Variants in ARHGEF10L observed in about 807,000 individuals in gnomAD.
ARHGEF10L encodes Rho guanine nucleotide exchange factor 10 like.
Under a neutral mutation model 141.2 loss-of-function variants are expected in ARHGEF10L, and 69 were observed. The ratio of observed to expected loss-of-function variants is 0.49; its 90% CI spans 0.40 to 0.60. ARHGEF10L has a LOEUF of 0.60. ARHGEF10L is among the 20% of genes least tolerant of loss of function. The pLI is 0.00. For synonymous variants in ARHGEF10L, 711 were observed against 718.5 expected (o/e 0.99, Z 0.17); for missense variants, 1,482 against 1,734.3 (o/e 0.85, Z 2.58).
At position 17,567,500 on chromosome 1, in the gene ARHGEF10L, G is replaced by A. The variant is rs140138052; in HGVS notation, c.-43-13053G>A. Among the ~76,000 whole-genome samples the A allele has an allele frequency of 6.6e-5, 10 of 152,296 alleles. No individual in the cohort carries two copies. In the East Asian group the frequency reaches 1.9e-3, roughly 29 times the overall value. ...TCCTGCTTCAGCCTCTTGAGTAGCTGGGATTACAGGCATGTGCCACCATGC... is the reference window on the plus strand; with the variant it reads ...TCCTGCTTCAGCCTCTTGAGTAGCTAGGATTACAGGCATGTGCCACCATGC... On this transcript the variant is annotated intron_variant, in intron 1 of 28. Coordinates refer to ENST00000361221, the MANE Select transcript of ARHGEF10L (RefSeq NM_018125.4).
chr1:17,527,774 G>A, the ARHGEF10L span, among the ~76,000 whole-genome samples: 1 of 151,784 alleles, frequency 6.6e-6, no homozygotes, highest in Non-Finnish European at 1.5e-5. Context: ...ACTGCATCCA[G>A]TTTCCGACCT....
chr1:17,616,253 T>TG, intron 9 of ARHGEF10L, 51 bp downstream of exon 9: 1 of 865,208 alleles, frequency 1.2e-6, no homozygotes, highest in East Asian at 3.3e-5. Context: ...TGACTGGGGG[T>TG]CGGGGAGGGT....
intron 16 of ARHGEF10L, chr1:17,634,236 G>A: frequency 3.9e-6 from 2 of 515,768 alleles, no homozygotes; most frequent in Admixed American, 3.8e-5. Context: ...GTGCAAAGTG[G>A]GGTGCTAGTG....
chr1:17,662,266 C>A (rs892140340), intron 25 of ARHGEF10L, among the ~76,000 whole-genome samples: 1 of 152,130 alleles, frequency 6.6e-6, no homozygotes, highest in African/African-American at 2.4e-5. Flanking sequence ...GGACACAGAA[C>A]GCTGCGTAAC....
chr1:17,634,739 C>T (rs1002326791), intron 17 of ARHGEF10L, 96 bp from the exon 18 acceptor site: 2 of 1,466,590 alleles, frequency 1.4e-6, no homozygotes, highest in Non-Finnish European at 1.8e-6. Context: ...CTGCGTGAAG[C>T]CTGGCTGAGC....
Position 17,623,224 on chromosome 1 carries a change from C to G in ARHGEF10L, c.1200+49C>G. The G allele has an allele frequency of 6.3e-7, 1 of 1,585,676 alleles. No homozygotes were observed. Among genetic ancestry groups the G allele is most frequent in the African/African-American group, 1.3e-5 (1 of 74,164 alleles). On this transcript the variant is annotated intron_variant, in intron 12 of 28. Coordinates refer to ENST00000361221, the MANE Select transcript of ARHGEF10L (RefSeq NM_018125.4). The surrounding 1 kb of genome is among the most constrained non-coding windows in gnomAD (Gnocchi z 4.7). ...CCAGCCCACCAAGGTAAAACCACAA[C>G]CAGTCTGACCCCGGGGCCATGCAGT...
intron 1 of ARHGEF10L, among the ~76,000 whole-genome samples, chr1:17,565,485 C>G (rs1388969055): frequency 2.6e-5 from 4 of 152,216 alleles, no homozygotes; most frequent in Admixed American, 2.0e-4. Context: ...GGACGGCCCC[C>G]CTCCAACTCC....
intron 2 of ARHGEF10L, among the ~76,000 whole-genome samples, chr1:17,582,965 G>A (rs1317192664): frequency 6.6e-6 from 1 of 151,592 alleles, no homozygotes; most frequent in Non-Finnish European, 1.5e-5. Flanking sequence ...AGTGGCTCAT[G>A]CCTATAATCC....
intron 23 of ARHGEF10L, among the ~76,000 whole-genome samples, chr1:17,655,045 G>A (rs1441374817): frequency 6.6e-6 from 1 of 152,198 alleles, no homozygotes; most frequent in Non-Finnish European, 1.5e-5. Flanking sequence ...TCAGGAGGCA[G>A]GGCTGGCTAG....
chr1:17,693,820 G>T (rs1339808792), intron 27 of ARHGEF10L, among the ~76,000 whole-genome samples: 1 of 152,226 alleles, frequency 6.6e-6, no homozygotes, highest in Non-Finnish European at 1.5e-5. Flanking sequence ...CTGGAATGCA[G>T]CCTAAGCCTC....
rs1277300211 is a variant in ARHGEF10L at position 17,687,737 on chromosome 1, C to G, written c.3174C>G (p.Phe1058Leu). ...QEINIATRTT[F>L]LLPGQKHLCV... ...TCAACATCGCCACCAGGACCACCTT[C>G]CTCCTGCCAGGTGAGGCTGCCTCGG... The change falls in exon 27 of 29, where the codon TTC (phenylalanine) becomes TTG (leucine). Residue 1058 changes from phenylalanine (F) to leucine (L), a missense_variant. Coordinates refer to ENST00000361221, the MANE Select transcript of ARHGEF10L (RefSeq NM_018125.4). The G allele has an allele frequency of 6.3e-7, 1 of 1,581,506 alleles. No individual in the cohort carries two copies. Among genetic ancestry groups the G allele is most frequent in the East Asian group, 2.3e-5 (1 of 43,920 alleles).
chr1:17,590,156 C>T lies in ARHGEF10L; in HGVS notation c.257+1677C>T, dbSNP rs114267761. ...AAGAGAGACCAAGGCCCCTCTGACA[C>T]CGAGGCCAGGCGCTGGGCCACCGTG... On this transcript the variant is annotated intron_variant, in intron 4 of 28. Coordinates refer to ENST00000361221, the MANE Select transcript of ARHGEF10L (RefSeq NM_018125.4). 4.7e-3 allele frequency among the ~76,000 whole-genome samples: 718 copies of T among 152,302 alleles called. 6 individuals are homozygous for T. The highest frequency in any genetic ancestry group is 0.016 in the African/African-American group (652 of 41,560).
In ARHGEF10L at chr1:17,627,216, C is replaced by A; in HGVS notation, c.1411-114C>A. On this transcript the variant is annotated intron_variant, in intron 14 of 28. Coordinates refer to ENST00000361221, the MANE Select transcript of ARHGEF10L (RefSeq NM_018125.4). The surrounding 1 kb of genome is among the most constrained non-coding windows in gnomAD (Gnocchi z 4.0). Reference sequence around the variant, plus strand: ...GGTGCCATCTGTCCTGGCCTCAGGCCGGGCCCTTTGCAGACCCAGTGTGTG... The same window carrying A: ...GGTGCCATCTGTCCTGGCCTCAGGCAGGGCCCTTTGCAGACCCAGTGTGTG... 1.5e-6 allele frequency: 2 copies of A among 1,303,090 alleles called. No homozygotes were observed. The highest frequency in any genetic ancestry group is 2.3e-5 in the East Asian group (1 of 42,648). 80.7% of individuals were successfully genotyped at this position (1,303,090 alleles called of 1,614,324 possible).
At position 17,627,432 on chromosome 1, in the gene ARHGEF10L, C is replaced by T. The variant is rs553508294; in HGVS notation, c.1513C>T (p.Arg505Trp). 37 of 1,613,696 alleles carry T rather than the reference C, an allele frequency of 2.3e-5. No individual in the cohort carries two copies. The highest frequency in any genetic ancestry group is 1.1e-4 in the African/African-American group (8 of 75,052). ...TLAEKLNEQKRLADQVAEIQQ... is the reference protein window; with the variant it reads ...TLAEKLNEQKWLADQVAEIQQ... Reference sequence around the variant, plus strand: ...GGCTGAGAAGCTGAACGAGCAGAAGCGGCTGGCTGACCAGGTGGCTGAGAT... The same window carrying T: ...GGCTGAGAAGCTGAACGAGCAGAAGTGGCTGGCTGACCAGGTGGCTGAGAT... The change falls in exon 15 of 29, where the codon CGG becomes TGG. Residue 505 changes from arginine (R) to tryptophan (W), a missense_variant. Arg to Trp is a moderately radical substitution (Grantham distance 101). This residue lies in a region of ARHGEF10L where 392 missense variants were observed against 542.1 expected (regional missense o/e 0.72). Coordinates refer to ENST00000361221, the MANE Select transcript of ARHGEF10L (RefSeq NM_018125.4). The surrounding 1 kb of genome is among the most constrained non-coding windows in gnomAD (Gnocchi z 4.0).
rs76578963 is a variant in ARHGEF10L, at chr1:17,580,684, G to T, written c.37+52G>T. The T allele has an allele frequency of 2.5e-4, 402 of 1,609,314 alleles. 1 individual carries two copies. The East Asian group carries it at 8.4e-3, about 33-fold the overall frequency. On this transcript the variant is annotated intron_variant, in intron 2 of 28. Coordinates refer to ENST00000361221, the MANE Select transcript of ARHGEF10L (RefSeq NM_018125.4). ...TCTCATCCTTTCTTAGAAGGGGGCCGCTGGGGGCCGGCGGAGGGCCTTGCT... is the reference window on the plus strand; with the variant it reads ...TCTCATCCTTTCTTAGAAGGGGGCCTCTGGGGGCCGGCGGAGGGCCTTGCT...
chr1:17,514,298 G>A, the ARHGEF10L span, among the ~76,000 whole-genome samples: 3 of 151,540 alleles, frequency 2.0e-5, no homozygotes, highest in African/African-American at 7.3e-5. Context: ...ACCACGCCCA[G>A]CTAATTTTTG....
chr1:17,676,120 G>C (rs1230307351), intron 26 of ARHGEF10L, among the ~76,000 whole-genome samples: 2 of 147,062 alleles, frequency 1.4e-5, no homozygotes, highest in African/African-American at 2.5e-5. Flanking sequence ...GTGCAGGCAT[G>C]GGTGCAGGCG....
chr1:17,618,267 G>T (rs531893236), intron 9 of ARHGEF10L: 10 of 552,872 alleles, frequency 1.8e-5, no homozygotes, highest in Non-Finnish European at 2.4e-5. Flanking sequence ...TCCCCACCCC[G>T]CCCACAAGCC....
In ARHGEF10L at chr1:17,644,067, C is replaced by G. The variant is rs1477068083; in HGVS notation, c.2272+3765C>G. ...TCTTACCCTCCCCGGGCCCTTGGAG[C>G]TCCTCCCACCCATGGCCCTTCTCAT... On this transcript the variant is annotated intron_variant, in intron 21 of 28. Transcript: ENST00000361221. This position sits in a 1 kb window ranked among gnomAD's most constrained non-coding sequence, Gnocchi z 4.5. Among the ~76,000 whole-genome samples, 3 of 152,334 alleles carry G rather than the reference C, an allele frequency of 2.0e-5. No individual in the cohort carries two copies. Among genetic ancestry groups the G allele is most frequent in the South Asian group, 2.1e-4 (1 of 4,828 alleles).
Sources: allele counts gnomAD v4.1 joint callset (sites outside exome capture counted in the v4.1 genomes callset), GRCh38; gene constraint gnomAD v4.1.1; regional missense constraint gnomAD v4.1.1; non-coding constraint Gnocchi (gnomAD v3.1); transcripts MANE v1.5; gene names NCBI Gene and HGNC (gene_info 2026-07-23, HGNC 2026-07-21).